The following PCDH15 variants were observed in gnomAD, a reference collection of about 807,000 sequenced individuals.
PCDH15 encodes the protein protocadherin related 15.
In PCDH15, 129 loss-of-function variants were observed where a neutral mutation model predicts 178.5. That is an observed-to-expected ratio of 0.72 (90% confidence interval 0.63 to 0.84). The LOEUF (loss-of-function observed/expected upper bound fraction) is 0.84, where lower values mean the gene tolerates loss of function less well. Among genes scored for constraint, PCDH15 ranks in the 40% least tolerant of loss-of-function variants. PCDH15 has a pLI of 0.00. For missense variants in PCDH15, 2,230 were observed against 2,099.9 expected (o/e 1.06, Z -1.21); for synonymous variants, 800 against 732.0 (o/e 1.09, Z -1.50).
At chr10:55,614,584 C>G (rs1010486719) in intron 2 of PCDH15, among the ~76,000 whole-genome samples, 1 of 151,880 alleles carries the variant, frequency 6.6e-6, no homozygotes, top group African/African-American at 2.4e-5. Context: ...TTCAAAATAC[C>G]CTTCCTTCTG....
intron 2 of PCDH15, among the ~76,000 whole-genome samples, chr10:55,446,311 G>GTGTA (rs1554870282): frequency 8.7e-5 from 13 of 149,208 alleles, no homozygotes; most frequent in Middle Eastern, 3.6e-3. Flanking sequence ...ATAGATATGT[G>GTGTA]TATATATATA....
intron 1 of PCDH15, among the ~76,000 whole-genome samples, chr10:55,316,644 A>G (rs1010126304): frequency 6.6e-6 from 1 of 152,154 alleles, no homozygotes; most frequent in Non-Finnish European, 1.5e-5. Flanking sequence ...GAAAGGAAGC[A>G]TGTTTTGGAG....
intron 1 of PCDH15, among the ~76,000 whole-genome samples, chr10:55,304,154 A>G (rs1262336838): frequency 6.6e-6 from 1 of 152,090 alleles, no homozygotes; most frequent in African/African-American, 2.4e-5. Context: ...GGGTGTGACC[A>G]GAGTTTTTTT....
chr10:54,996,655 A>C (rs1179561699), intron 2 of PCDH15, among the ~76,000 whole-genome samples: 1 of 152,098 alleles, frequency 6.6e-6, no homozygotes, highest in East Asian at 1.9e-4. Context: ...TTACAATTGG[A>C]TTCATTTTGC....
intron 15 of PCDH15, among the ~76,000 whole-genome samples, chr10:54,100,892 T>C (rs990575249): frequency 6.6e-6 from 1 of 152,116 alleles, no homozygotes; most frequent in East Asian, 1.9e-4. Context: ...GTTACATGTA[T>C]ACTTTAAGCA....
At chr10:54,162,773 C>T (rs962634303) in intron 13 of PCDH15, among the ~76,000 whole-genome samples, 1 of 152,110 alleles carries the variant, frequency 6.6e-6, no homozygotes, top group Non-Finnish European at 1.5e-5. Flanking sequence ...TATATTTATC[C>T]TAATTTTACA....
chr10:55,227,787 T>C (rs1564911251), intron 1 of PCDH15, among the ~76,000 whole-genome samples: 2 of 152,054 alleles, frequency 1.3e-5, no homozygotes, highest in Non-Finnish European at 2.9e-5. Context: ...ACAAGACACA[T>C]GTATTATTAT....
intron 30 of PCDH15, 40 bp from the exon 31 acceptor site, chr10:53,828,613 A>G (rs572205146): frequency 6.8e-7 from 1 of 1,462,714 alleles, no homozygotes; most frequent in Non-Finnish European, 9.6e-7. Context: ...AGAAAGCTAC[A>G]TTAGAACTAT....
chr10:55,578,240 C>T (rs150091129), intron 2 of PCDH15, among the ~76,000 whole-genome samples: 12 of 151,710 alleles, frequency 7.9e-5, no homozygotes, highest in Non-Finnish European at 1.2e-4. Context: ...TTTTTTGAGA[C>T]GGAGTCTCAC....
intron 2 of PCDH15, among the ~76,000 whole-genome samples, chr10:55,119,964 T>C (rs1280475547): frequency 6.6e-6 from 1 of 152,014 alleles, no homozygotes; most frequent in Non-Finnish European, 1.5e-5. Context: ...TACAGTAACA[T>C]AACTTGTCTT....
intron 2 of PCDH15, among the ~76,000 whole-genome samples, chr10:54,547,239 C>T (rs1330742335): frequency 1.3e-5 from 2 of 152,118 alleles, no homozygotes; most frequent in East Asian, 3.9e-4. Flanking sequence ...AACCCTATTG[C>T]TTCTCAAACA....
At chr10:55,270,616 G>A (rs1251174037) in intron 1 of PCDH15, among the ~76,000 whole-genome samples, 1 of 150,524 alleles carries the variant, frequency 6.6e-6, no homozygotes, top group Non-Finnish European at 1.5e-5. Flanking sequence ...AGTCAGAATG[G>A]CTATTGTTAA....
intron 2 of PCDH15, among the ~76,000 whole-genome samples, chr10:54,617,656 G>T (rs553248523): frequency 6.6e-6 from 1 of 150,998 alleles, no homozygotes; most frequent in African/African-American, 2.4e-5. Flanking sequence ...AAAAGGCCAG[G>T]CACGGTGGCT....
chr10:54,486,891 C>T (rs1273823602), intron 3 of PCDH15, among the ~76,000 whole-genome samples: 2 of 151,914 alleles, frequency 1.3e-5, no homozygotes, highest in Non-Finnish European at 2.9e-5. Flanking sequence ...CCATTATAGA[C>T]CATGAGATTA....
In PCDH15 at chr10:54,956,992, G is replaced by T. The variant is rs180932305; in HGVS notation, c.-79-59492C>A. Among the ~76,000 whole-genome samples, 18 of 151,716 alleles carry T rather than the reference G, an allele frequency of 1.2e-4. No homozygotes were observed. The East Asian group carries it at 3.3e-3, about 28-fold the overall frequency. On this transcript the variant is annotated intron_variant, in intron 2 of 5. Coordinates refer to the PCDH15 transcript ENST00000458638. ...CACTGTGTTATACTGTCGCTAATTA[G>T]ATGAAGCAGTTTGGTATGACAGAAA...
chr10:54,231,729 G>T (rs2054097629), intron 9 of PCDH15, among the ~76,000 whole-genome samples: 1 of 152,226 alleles, frequency 6.6e-6, no homozygotes, highest in Non-Finnish European at 1.5e-5. Flanking sequence ...CATCAGTGTG[G>T]CCTGGATATG....
At chr10:54,213,086 G>A (rs114666298) in intron 10 of PCDH15, among the ~76,000 whole-genome samples, 15 of 151,584 alleles carry the variant, frequency 9.9e-5, no homozygotes, top group African/African-American at 2.7e-4. Context: ...AAATACCATC[G>A]GGATGCATTT....
intron 3 of PCDH15, among the ~76,000 whole-genome samples, chr10:54,493,855 G>C (rs771210246): frequency 6.6e-6 from 1 of 152,092 alleles, no homozygotes; most frequent in Non-Finnish European, 1.5e-5. Flanking sequence ...AACAATGATA[G>C]ACTGGATTAA....
In PCDH15 at chr10:55,580,013, C is replaced by T. The variant is rs60610640; in HGVS notation, c.-156+47612G>A. Among the ~76,000 whole-genome samples, 1,076 of 151,878 alleles carry T rather than the reference C, an allele frequency of 7.1e-3. 12 individuals are homozygous for T. Among genetic ancestry groups the T allele is most frequent in the African/African-American group, 0.024 (1,009 of 41,418 alleles). ...CTGGGATTATAGGCACCTGCCACCA[C>T]GCCTGGCTAACTTTTGTATTTTTAG... On this transcript the variant is annotated intron_variant, in intron 2 of 5. Coordinates refer to the PCDH15 transcript ENST00000613346.
Sources: allele counts gnomAD v4.1 joint callset (sites outside exome capture counted in the v4.1 genomes callset), GRCh38; gene constraint gnomAD v4.1.1; transcripts MANE v1.5; gene names NCBI Gene and HGNC (gene_info 2026-07-23, HGNC 2026-07-21).